MTA3: variants seen among roughly 807,000 people sequenced by gnomAD.
MTA3 encodes the protein metastasis-associated protein MTA3.
A neutral mutation model predicts 83.5 loss-of-function variants in MTA3; 34 were observed. That is an observed-to-expected ratio of 0.41 (90% CI 0.31 to 0.54). The LOEUF is 0.54. MTA3 is among the 20% of genes least tolerant of loss of function. The pLI is 0.33. For missense variants in MTA3, 761 were observed against 726.4 expected (o/e 1.05, Z -0.55); for synonymous variants, 303 against 252.7 (o/e 1.20, Z -1.89).
rs754061030 is a variant in MTA3 at position 42,644,144 on chromosome 2, A to C, written c.399A>C (p.Ser133=). The C allele has an allele frequency of 6.2e-7, 1 of 1,604,474 alleles. No individual in the cohort carries two copies. Among genetic ancestry groups the C allele is most frequent in the Non-Finnish European group, 8.5e-7 (1 of 1,175,618 alleles). Residue 133 remains serine (S), a synonymous_variant, in exon 6 of 17, where the codon TCA becomes TCC. Transcript: ENST00000405094. ...TTTTTCAGGATACCTTCTTCTACTC[A>C]TTGGTCTATGACCCCTCATTGAAAA... is the stretch of plus-strand genomic sequence containing the variant. ...YLDKEDTFFY[S]LVYDPSLKTL...
At chr2:42,677,641 G>A (rs779364429) in intron 8 of MTA3, among the ~76,000 whole-genome samples, 39 of 152,228 alleles carry the variant, frequency 2.6e-4, no homozygotes, top group African/African-American at 6.5e-4. Context: ...ACCGTACCTC[G>A]TCCTGATGGT....
chr2:42,678,755 A>T (rs183522564), intron 8 of MTA3, among the ~76,000 whole-genome samples: 1 of 152,182 alleles, frequency 6.6e-6, no homozygotes, highest in African/African-American at 2.4e-5. Context: ...TACCCTTATC[A>T]TTATCTTAGT....
At chr2:42,739,097 T>G (rs1462389642) in intron 16 of MTA3, among the ~76,000 whole-genome samples, 2 of 152,194 alleles carry the variant, frequency 1.3e-5, no homozygotes, top group Non-Finnish European at 2.9e-5. Context: ...CACACCTATT[T>G]GCACACTCCC....
Position 42,724,078 on chromosome 2 carries a change from C to T in MTA3, c.1759+1043C>T, listed in dbSNP as rs542243989. Among the ~76,000 whole-genome samples the T allele has an allele frequency of 5.3e-5, 8 of 152,126 alleles. No homozygotes were observed. The South Asian group carries it at 1.7e-3, about 32-fold the overall frequency. ...ATGAGAACGTTGGCCATCCTTGACA[C>T]AATATACCTGATGTCTAGACAGCAG... On this transcript the variant is annotated intron_variant, in intron 16 of 16. Coordinates refer to ENST00000405094, the MANE Select transcript of MTA3 (RefSeq NM_001330442.2).
At chr2:42,670,611 A>G (rs965870609) in intron 8 of MTA3, among the ~76,000 whole-genome samples, 2 of 152,114 alleles carry the variant, frequency 1.3e-5, no homozygotes, top group Admixed American at 1.3e-4. Flanking sequence ...ATGCCTACTC[A>G]GGTAAACTGG....
At chr2:42,539,184 A>T (rs945240624) in intron 2 of MTA3, among the ~76,000 whole-genome samples, 4 of 152,178 alleles carry the variant, frequency 2.6e-5, no homozygotes, top group South Asian at 2.1e-4. Context: ...ATTACGGGGT[A>T]AAAGAATATT....
At chr2:42,594,215 G>T (rs1681399369) in intron 3 of MTA3, among the ~76,000 whole-genome samples, 1 of 147,906 alleles carries the variant, frequency 6.8e-6, no homozygotes. Context: ...GCCTCCCAAA[G>T]TGCTAGGAGG....
At chr2:42,549,264 A>G (rs1163138252) in intron 2 of MTA3, among the ~76,000 whole-genome samples, 1 of 122,246 alleles carries the variant, frequency 8.2e-6, no homozygotes, top group African/African-American at 3.1e-5. Flanking sequence ...TATATTATAT[A>G]CGTGTACGTA....
intron 2 of MTA3, among the ~76,000 whole-genome samples, chr2:42,556,478 C>G (rs1259164697): frequency 6.6e-6 from 1 of 152,248 alleles, no homozygotes; most frequent in Non-Finnish European, 1.5e-5. Flanking sequence ...GCCCAAGTGC[C>G]TTTTCCATTT....
At chr2:42,584,806 G>T (rs1410207767) in intron 3 of MTA3, among the ~76,000 whole-genome samples, 2 of 152,062 alleles carry the variant, frequency 1.3e-5, no homozygotes, top group African/African-American at 4.8e-5. Flanking sequence ...GATTGAGGCT[G>T]CAGTGAGCTG....
chr2:42,548,439 C>A (rs966177624), intron 2 of MTA3, among the ~76,000 whole-genome samples: 2 of 151,956 alleles, frequency 1.3e-5, no homozygotes, highest in African/African-American at 4.8e-5. Flanking sequence ...GCACCCCAGC[C>A]TGGGCAGCAA....
intron 14 of MTA3, among the ~76,000 whole-genome samples, chr2:42,714,985 A>G (rs1220016349): frequency 6.6e-6 from 1 of 152,198 alleles, no homozygotes; most frequent in African/African-American, 2.4e-5. Context: ...CCCCTGCTCT[A>G]GGAAACTAAA....
intron 2 of MTA3, among the ~76,000 whole-genome samples, chr2:42,536,127 A>C (rs1408851879): frequency 1.3e-5 from 2 of 151,038 alleles, no homozygotes; most frequent in African/African-American, 2.4e-5. Context: ...CTCAAAAAAA[A>C]AAAAAGCCAT....
chr2:42,748,889 G>T (rs1201157789), intron 16 of MTA3, among the ~76,000 whole-genome samples: 1 of 152,134 alleles, frequency 6.6e-6, no homozygotes, highest in Non-Finnish European at 1.5e-5. Flanking sequence ...GTGGAGGCTT[G>T]GTTTGAAGCT....
intron 3 of MTA3, among the ~76,000 whole-genome samples, chr2:42,596,952 T>G (rs1306985506): frequency 2.0e-5 from 3 of 152,142 alleles, no homozygotes; most frequent in Non-Finnish European, 4.4e-5. Flanking sequence ...TCGCCCAGGC[T>G]GGAGTGCAGT....
At chr2:42,695,664 AAGTG>A (rs1693326727) in intron 9 of MTA3, 97 bp from the exon 10 acceptor site, 1 of 424,178 alleles carries the variant, frequency 2.4e-6, no homozygotes, top group Non-Finnish European at 4.1e-6. Flanking sequence ...AAAAAAAAGA[AAGTG>A]GTGGTTTTTA....
At chr2:42,568,875 C>A in intron 1 of MTA3, 102 bp downstream of exon 1, 1 of 1,138,590 alleles carries the variant, frequency 8.8e-7, no homozygotes, top group Non-Finnish European at 1.1e-6. Flanking sequence ...GGCGCCGGGG[C>A]TGAGGTCGCA....
chr2:42,700,920 G>C (rs1330204479), intron 11 of MTA3, among the ~76,000 whole-genome samples: 3 of 152,102 alleles, frequency 2.0e-5, no homozygotes. Flanking sequence ...GCACAAAATG[G>C]ACCTCGCCTC....
chr2:42,647,219 C>G (rs2104327882), intron 6 of MTA3, among the ~76,000 whole-genome samples: 1 of 149,994 alleles, frequency 6.7e-6, no homozygotes, highest in East Asian at 2.0e-4. Flanking sequence ...GCATCACATG[C>G]TACAGAGAAA....
Sources: allele counts gnomAD v4.1 joint callset (sites outside exome capture counted in the v4.1 genomes callset), GRCh38; gene constraint gnomAD v4.1.1; transcripts MANE v1.5; gene names NCBI Gene and HGNC (gene_info 2026-07-23, HGNC 2026-07-21).